The following PVT1 variants were observed in gnomAD, a reference collection of about 807,000 sequenced individuals.
PVT1 encodes the protein Pvt1 oncogene, also known as CXCR4/PVT1 fusion.
intron 4 of PVT1, among the ~76,000 whole-genome samples, chr8:128,025,464 C>T (rs1190831702): frequency 6.6e-6 from 1 of 152,124 alleles, no homozygotes; most frequent in Non-Finnish European, 1.5e-5. Context: ...GCACCAGGCA[C>T]CTTCAGCCCT....
At chr8:127,812,470 G>T (rs1275955527) in intron 2 of PVT1, among the ~76,000 whole-genome samples, 2 of 151,920 alleles carry the variant, frequency 1.3e-5, no homozygotes, top group Non-Finnish European at 1.5e-5. Context: ...CAAAGCTGGA[G>T]GATTGCTTGA....
chr8:127,921,646 T>C (rs1816058747), intron 3 of PVT1, among the ~76,000 whole-genome samples: 1 of 151,816 alleles, frequency 6.6e-6, no homozygotes, highest in Admixed American at 6.6e-5. Context: ...ACCCCATCTC[T>C]ATTAAAAAAT....
Position 127,872,912 on chromosome 8 carries a change from A to G in PVT1, n.373-17677A>G, listed in dbSNP as rs140491120. 7.2e-5 allele frequency among the ~76,000 whole-genome samples: 11 copies of G among 152,306 alleles called. No individual in the cohort carries two copies. The East Asian group carries it at 2.1e-3, about 29-fold the overall frequency. ...GCCTGCCCCTTGCTTCAGATCTTCT[A>G]GGAATCCAGATACATTAAAGCAAAG... On this transcript the variant is annotated intron_variant and non_coding_transcript_variant, in intron 2 of 10. Coordinates refer to ENST00000651587, the Ensembl canonical transcript of PVT1.
chr8:128,055,758 T>G (rs1387985895), intron 4 of PVT1, among the ~76,000 whole-genome samples: 2 of 152,234 alleles, frequency 1.3e-5, no homozygotes, highest in African/African-American at 4.8e-5. Flanking sequence ...TGGTGGCATC[T>G]GTCTTGCCAT....
At chr8:127,976,888 A>G (rs748999307) in intron 3 of PVT1, among the ~76,000 whole-genome samples, 1 of 152,082 alleles carries the variant, frequency 6.6e-6, no homozygotes, top group African/African-American at 2.4e-5. Context: ...TCAACCTGAC[A>G]CACAGCATCC....
intron 2 of PVT1, among the ~76,000 whole-genome samples, chr8:127,815,761 G>A (rs1425522439): frequency 1.3e-5 from 2 of 152,174 alleles, no homozygotes; most frequent in Non-Finnish European, 2.9e-5. Context: ...ATTTGGATGC[G>A]ACAGAATTGG....
intron 2 of PVT1, among the ~76,000 whole-genome samples, chr8:127,866,894 C>T (rs777052890): frequency 2.4e-4 from 36 of 152,258 alleles, no homozygotes; most frequent in Middle Eastern, 3.4e-3. Context: ...GAGCCTTGGG[C>T]CGTGTTAGAG....
At chr8:127,890,149 G>GTT (rs1815582715) in intron 2 of PVT1, among the ~76,000 whole-genome samples, 1 of 152,156 alleles carries the variant, frequency 6.6e-6, no homozygotes, top group Non-Finnish European at 1.5e-5. Context: ...TCTTTAAAAA[G>GTT]AAACAAAACA....
chr8:127,986,035 T>C (rs1816966367), intron 3 of PVT1, among the ~76,000 whole-genome samples: 1 of 152,168 alleles, frequency 6.6e-6, no homozygotes, highest in Admixed American at 6.5e-5. Context: ...CAATGTGTGT[T>C]ATACCCTGGG....
intron 5 of PVT1, among the ~76,000 whole-genome samples, chr8:128,084,562 A>T (rs1814233212): frequency 6.6e-6 from 1 of 152,268 alleles, no homozygotes; most frequent in African/African-American, 2.4e-5. Context: ...AGCCAAGTGA[A>T]GAATGAGGTA....
chr8:127,872,790 CA>C (rs1001514948), intron 2 of PVT1, among the ~76,000 whole-genome samples: 3 of 152,176 alleles, frequency 2.0e-5, no homozygotes, highest in African/African-American at 7.2e-5. Context: ...TTGCCACTGT[CA>C]AAGGCCATCA....
intron 3 of PVT1, among the ~76,000 whole-genome samples, chr8:127,918,511 G>A (rs1251771276): frequency 6.6e-6 from 1 of 152,208 alleles, no homozygotes; most frequent in African/African-American, 2.4e-5. Flanking sequence ...CCTCAGGAAT[G>A]TTTACTGGCT....
intron 3 of PVT1, among the ~76,000 whole-genome samples, chr8:127,973,076 T>G (rs1816782018): frequency 6.6e-6 from 1 of 152,170 alleles, no homozygotes; most frequent in South Asian, 2.1e-4. Flanking sequence ...TATATGTATA[T>G]ATTTTTTGTA....
At chr8:128,019,328 A>G (rs1817407821) in intron 4 of PVT1, among the ~76,000 whole-genome samples, 1 of 152,226 alleles carries the variant, frequency 6.6e-6, no homozygotes, top group Non-Finnish European at 1.5e-5. Flanking sequence ...AGTAACCAAC[A>G]CAAGCTTGAA....
At chr8:127,886,401 A>G (rs1815524898) in intron 2 of PVT1, among the ~76,000 whole-genome samples, 1 of 152,160 alleles carries the variant, frequency 6.6e-6, no homozygotes, top group Admixed American at 6.5e-5. Flanking sequence ...CCCACCCCCG[A>G]TATTGATCTT....
intron 3 of PVT1, among the ~76,000 whole-genome samples, chr8:127,971,506 C>T (rs1816764089): frequency 6.6e-6 from 1 of 152,144 alleles, no homozygotes; most frequent in South Asian, 2.1e-4. Context: ...GCCCCCTGCC[C>T]TGCACTGGCA....
intron 3 of PVT1, among the ~76,000 whole-genome samples, chr8:127,936,034 C>CTTTTTTTTTTTTTTTT (rs937905808): frequency 3.0e-5 from 3 of 101,270 alleles, no homozygotes; most frequent in African/African-American, 8.4e-5. Context: ...CTCTCTCTCT[C>CTTTTTTTTTTTTTTTT]TTTTTTTTTT....
Position 128,025,745 on chromosome 8 carries a change from G to T in PVT1, n.912+36454G>T, listed in dbSNP as rs111266890. Among the ~76,000 whole-genome samples, 419 of 152,274 alleles carry T rather than the reference G, an allele frequency of 2.8e-3. 1 individual carries two copies. The highest frequency in any genetic ancestry group is 9.5e-3 in the African/African-American group (395 of 41,570). Reference sequence around the variant, plus strand: ...CATTGCAATAATTAACGTTTTGAAAGCTCCCTGATTTCCAAAGCATTTTCA... The same window carrying T: ...CATTGCAATAATTAACGTTTTGAAATCTCCCTGATTTCCAAAGCATTTTCA... On this transcript the variant is annotated intron_variant and non_coding_transcript_variant, in intron 4 of 10. Coordinates refer to ENST00000651587, the Ensembl canonical transcript of PVT1.
chr8:127,830,417 G>T (rs1396079020), intron 2 of PVT1, among the ~76,000 whole-genome samples: 1 of 151,664 alleles, frequency 6.6e-6, no homozygotes, highest in Non-Finnish European at 1.5e-5. Context: ...TGGGAGTGGG[G>T]TTGGGGAAAC....
Sources: allele counts gnomAD v4.1 joint callset (sites outside exome capture counted in the v4.1 genomes callset), GRCh38; gene constraint gnomAD v4.1.1; transcripts MANE v1.5; gene names NCBI Gene and HGNC (gene_info 2026-07-23, HGNC 2026-07-21).